MARK4: variants seen among roughly 807,000 people sequenced by gnomAD.
The protein encoded by MARK4 is microtubule affinity regulating kinase 4.
MARK4 carries 19 observed loss-of-function variants against 81.5 expected under a neutral mutation model. The observed-to-expected ratio is 0.23, with a 90% CI of 0.16 to 0.34. The LOEUF (loss-of-function observed/expected upper bound fraction) is 0.34. Among genes scored for constraint, MARK4 ranks in the 10% least tolerant of loss-of-function variants. The probability of loss-of-function intolerance (pLI) is 1.00; values close to 1 mark genes in which losing one functional copy is unlikely to be tolerated. For synonymous variants in MARK4, 436 were observed against 439.0 expected, an observed-to-expected ratio of 0.99 and a Z score of 0.08; for missense variants, 772 against 1,058.8, an observed-to-expected ratio of 0.73 and a Z score of 3.76.
intron 13 of MARK4, among the ~76,000 whole-genome samples, chr19:45,288,765 G>A (rs997109556): frequency 2.0e-5 from 3 of 148,718 alleles, no homozygotes; most frequent in East Asian, 2.0e-4. Flanking sequence ...CAGGAGAATC[G>A]CTTGAACCCG....
At chr19:45,277,527 C>T (rs528529403) in intron 8 of MARK4, among the ~76,000 whole-genome samples, 105 of 149,574 alleles carry the variant, frequency 7.0e-4, no homozygotes, top group African/African-American at 2.2e-3. Flanking sequence ...GGCCTCCCAA[C>T]GTGTTTGGAT....
chr19:45,290,135 A>G (rs1290300495), intron 13 of MARK4, among the ~76,000 whole-genome samples: 3 of 152,166 alleles, frequency 2.0e-5, no homozygotes, highest in African/African-American at 7.2e-5. Flanking sequence ...TTAAATACTA[A>G]TTTTTCTCGT....
chr19:45,288,267 A>C (rs527644047), intron 13 of MARK4: 18 of 148,020 alleles, frequency 1.2e-4, no homozygotes, highest in Admixed American at 6.7e-4. Flanking sequence ...AATTTAAAAA[A>C]TCAGGCCAGG....
At chr19:45,292,278 AAG>A (rs1970830007) in intron 13 of MARK4, among the ~76,000 whole-genome samples, 3 of 151,844 alleles carry the variant, frequency 2.0e-5, no homozygotes, top group Admixed American at 2.0e-4. Context: ...TCTCTTAAAA[AAG>A]AGAAAAAGGG....
At chr19:45,300,817 A>C (rs923921093) in intron 16 of MARK4, among the ~76,000 whole-genome samples, 1 of 152,092 alleles carries the variant, frequency 6.6e-6, no homozygotes, top group Non-Finnish European at 1.5e-5. Context: ...AGAGAGGAGA[A>C]GTACTCTGGT....
intron 12 of MARK4, among the ~76,000 whole-genome samples, chr19:45,285,993 T>C (rs1970737725): frequency 6.6e-6 from 1 of 152,208 alleles, no homozygotes; most frequent in Non-Finnish European, 1.5e-5. Flanking sequence ...GAAAAAGTCT[T>C]CATCCAACAC....
chr19:45,293,224 C>T (rs1970841375), intron 13 of MARK4, among the ~76,000 whole-genome samples: 1 of 152,096 alleles, frequency 6.6e-6, no homozygotes, highest in African/African-American at 2.4e-5. Context: ...TGAGATCATG[C>T]CATTGCACTC....
chr19:45,281,367 C>CTT (rs71173137), intron 12 of MARK4, among the ~76,000 whole-genome samples: 6 of 132,056 alleles, frequency 4.5e-5, no homozygotes, highest in Non-Finnish European at 7.9e-5. Flanking sequence ...TCTTTTCTTT[C>CTT]TTTTTTTTTT....
chr19:45,284,180 G>C (rs1970712937), intron 12 of MARK4, among the ~76,000 whole-genome samples: 1 of 151,872 alleles, frequency 6.6e-6, no homozygotes, highest in South Asian at 2.1e-4. Flanking sequence ...AGCTAATTTT[G>C]TATTTTTAGT....
intron 8 of MARK4, among the ~76,000 whole-genome samples, chr19:45,273,397 G>C (rs1213435868): frequency 6.6e-6 from 1 of 152,136 alleles, no homozygotes; most frequent in Non-Finnish European, 1.5e-5. Context: ...GACCAGGGGC[G>C]TTTTCCTGTT....
chr19:45,302,434 T>C lies in MARK4; in HGVS notation c.1983T>C (p.Ser661=). Residue 661 remains serine, a synonymous_variant, in exon 17 of 17, where the codon AGT becomes AGC. Coordinates refer to ENST00000262891, the MANE Select transcript of MARK4 (RefSeq NM_001199867.2). This position sits in a 1 kb window ranked among gnomAD's most constrained non-coding sequence, Gnocchi z 4.9. ...CCCGGCTGCTCCGATTCCCCTGGAG[T>C]GTGAAGCTGACCAGCTCGCGCCCTC... ...TAPRLLRFPW[S]VKLTSSRPPE... 2 of 1,614,010 alleles carry C rather than the reference T, an allele frequency of 1.2e-6. No individual in the cohort carries two copies. The highest frequency in any genetic ancestry group is 2.7e-5 in the African/African-American group (2 of 75,060).
rs1400490564 is a variant in MARK4, at chr19:45,301,884, AAAAGG to A, written c.1923-486_1923-482del. On this transcript the variant is annotated intron_variant, in intron 16 of 16. Transcript: ENST00000262891. ...CCGTCTCAAAAAAAAAAAAAAAAAGAAAAGGAAAAAGAAATTTCTCATTCAAACAT... is the reference window on the plus strand; with the variant it reads ...CCGTCTCAAAAAAAAAAAAAAAAAGAAAAAAGAAATTTCTCATTCAAACAT... Among the ~76,000 whole-genome samples, 53 of 149,738 alleles carry A rather than the reference AAAAGG, an allele frequency of 3.5e-4. 1 individual carries two copies. The highest frequency in any genetic ancestry group is 1.0e-3 in the African/African-American group (42 of 41,008).
intron 8 of MARK4, among the ~76,000 whole-genome samples, chr19:45,276,286 C>T (rs141737250): frequency 1.6e-4 from 24 of 152,296 alleles, no homozygotes; most frequent in African/African-American, 4.6e-4. Context: ...CTTGGCCTCC[C>T]GAAGTGCTGG....
Position 45,271,449 on chromosome 19 carries a change from G to A in MARK4, c.550-23G>A, listed in dbSNP as rs747336604. ...GCTTTGGCCTTGAGTCCCACTTTCC[G>A]CCCTCTCCTTCTCTCCCTGCAGGCT... On this transcript the variant is annotated intron_variant, in intron 7 of 16. Transcript: ENST00000262891. This position sits in a 1 kb window ranked among gnomAD's most constrained non-coding sequence, Gnocchi z 4.1. 5.6e-6 allele frequency: 9 copies of A among 1,609,558 alleles called. No individual in the cohort carries two copies. The Admixed American group carries it at 6.7e-5, about 12-fold the overall frequency.
At chr19:45,285,162 G>T (rs1332013857) in intron 12 of MARK4, among the ~76,000 whole-genome samples, 5 of 151,712 alleles carry the variant, frequency 3.3e-5, no homozygotes, top group Non-Finnish European at 7.4e-5. Context: ...GAGAGGCTGA[G>T]GTGGGAGGAT....
At chr19:45,260,176 G>A (rs1289924327) in intron 2 of MARK4, among the ~76,000 whole-genome samples, 2 of 152,110 alleles carry the variant, frequency 1.3e-5, no homozygotes, top group Non-Finnish European at 2.9e-5. Flanking sequence ...GATCACCTGA[G>A]GTCAGGAGTT....
chr19:45,264,408 G>A (rs1470591549), intron 4 of MARK4, among the ~76,000 whole-genome samples: 1 of 151,882 alleles, frequency 6.6e-6, no homozygotes, highest in African/African-American at 2.4e-5. Flanking sequence ...GGCTGAGGCA[G>A]GAGAATCGCT....
rs138102213 is a variant in MARK4, at chr19:45,252,811, G to T, written c.51+1172G>T. 3.4e-3 allele frequency among the ~76,000 whole-genome samples: 519 copies of T among 152,126 alleles called. 2 individuals carry two copies. Among genetic ancestry groups the T allele is most frequent in the African/African-American group, 0.012 (502 of 41,506 alleles). On this transcript the variant is annotated intron_variant, in intron 1 of 16. Coordinates refer to ENST00000262891, the MANE Select transcript of MARK4 (RefSeq NM_001199867.2). ...GGCTCAGCCTTTATTCATCTGGGCT[G>T]CTCCTTGCCCAAGAAGTTCCTACCC...
At chr19:45,258,235 T>A (rs8111118) in intron 1 of MARK4, among the ~76,000 whole-genome samples, 66,497 of 151,784 alleles carry the variant, frequency 0.44, 15,900 homozygotes, top group Non-Finnish European at 0.55. Context: ...TCCACCCACC[T>A]CAGCCTCCCA....
Sources: gnomAD v4.1 joint callset for allele counts (sites outside exome capture counted in the v4.1 genomes callset) on GRCh38, gnomAD v4.1.1 for gene constraint, Gnocchi (gnomAD v3.1) non-coding constraint, MANE v1.5 for transcripts, NCBI Gene and HGNC (gene_info 2026-07-23, HGNC 2026-07-21) for gene names.